The following PLEKHA5 variants were observed in gnomAD, a reference collection of about 807,000 sequenced individuals.
PLEKHA5 encodes the protein pleckstrin homology domain containing A5.
A neutral mutation model predicts 181.9 loss-of-function variants in PLEKHA5; 55 were observed. The ratio of observed to expected loss-of-function variants is 0.30; its 90% CI spans 0.24 to 0.38. PLEKHA5 has a LOEUF of 0.38. PLEKHA5 is among the 10% of genes least tolerant of loss of function. The pLI is 1.00. For missense variants in PLEKHA5, 1,432 were observed against 1,549.5 expected (o/e 0.92, Z 1.27); for synonymous variants, 535 against 529.4 (o/e 1.01, Z -0.15).
chr12:19,240,117 A>G (rs2062200463), intron 3 of PLEKHA5, among the ~76,000 whole-genome samples: 1 of 152,232 alleles, frequency 6.6e-6, no homozygotes, highest in African/African-American at 2.4e-5. Flanking sequence ...CTCATGCAGT[A>G]TATGAAAATG....
At chr12:19,324,434 A>T (rs914795549) in intron 20 of PLEKHA5, among the ~76,000 whole-genome samples, 1 of 152,220 alleles carries the variant, frequency 6.6e-6, no homozygotes, top group African/African-American at 2.4e-5. Flanking sequence ...ATAAGAAACT[A>T]TGTCTCATTC....
intron 29 of PLEKHA5, 150 bp from the exon 30 acceptor site, chr12:19,365,814 T>C (rs906468330): frequency 1.7e-6 from 1 of 589,006 alleles, no homozygotes; most frequent in East Asian, 3.0e-5. Flanking sequence ...TCTAATTCTT[T>C]TGTTTGAAAC....
At chr12:19,206,552 T>G (rs7306560) in intron 3 of PLEKHA5, among the ~76,000 whole-genome samples, 1 of 151,786 alleles carries the variant, frequency 6.6e-6, no homozygotes. Context: ...ATAAGGTGCT[T>G]TAAAGAGGTC....
At chr12:19,268,907 G>A (rs188599186) in intron 8 of PLEKHA5, among the ~76,000 whole-genome samples, 11 of 152,094 alleles carry the variant, frequency 7.2e-5, no homozygotes, top group Admixed American at 2.6e-4. Flanking sequence ...ACACCATTTC[G>A]GATCATTTAT....
intron 3 of PLEKHA5, among the ~76,000 whole-genome samples, chr12:19,210,257 CT>C (rs1432551954): frequency 2.6e-5 from 4 of 152,130 alleles, no homozygotes; most frequent in Non-Finnish European, 4.4e-5. Flanking sequence ...TTGAAGTCCC[CT>C]GATACATCTT....
chr12:19,183,768 C>T (rs1265459075), intron 3 of PLEKHA5, among the ~76,000 whole-genome samples: 5 of 152,124 alleles, frequency 3.3e-5, no homozygotes, highest in African/African-American at 1.2e-4. Context: ...GGCTGGAGCA[C>T]AGTGGCGTGA....
chr12:19,331,244 AGTGTATT>A (rs1298899879), intron 20 of PLEKHA5, among the ~76,000 whole-genome samples: 5 of 152,230 alleles, frequency 3.3e-5, no homozygotes, highest in Admixed American at 2.6e-4. Flanking sequence ...ATTTGTGTCT[AGTGTATT>A]GTGTAACCAT....
At chr12:19,282,921 C>T (rs944248449) in intron 11 of PLEKHA5, among the ~76,000 whole-genome samples, 1 of 151,774 alleles carries the variant, frequency 6.6e-6, no homozygotes, top group African/African-American at 2.4e-5. Flanking sequence ...CTAAGCTGGG[C>T]ACGGTGGCTC....
chr12:19,307,516 A>C, intron 15 of PLEKHA5: 1 of 309,308 alleles, frequency 3.2e-6, no homozygotes, highest in Non-Finnish European at 6.5e-6. Context: ...CAAGAAGCAC[A>C]CTGCCTAATT....
chr12:19,196,758 C>A (rs1323511258), intron 3 of PLEKHA5, among the ~76,000 whole-genome samples: 2 of 151,610 alleles, frequency 1.3e-5, no homozygotes, highest in East Asian at 3.9e-4. Context: ...CGTGTTGCTG[C>A]CAAAGCTGCT....
chr12:19,214,246 G>C (rs1240925841), intron 3 of PLEKHA5, among the ~76,000 whole-genome samples: 2 of 152,196 alleles, frequency 1.3e-5, no homozygotes, highest in Non-Finnish European at 2.9e-5. Context: ...GGAGAGGGGA[G>C]TGTTAACTGT....
intron 5 of PLEKHA5, among the ~76,000 whole-genome samples, chr12:19,255,887 A>C (rs1235413247): frequency 6.7e-6 from 1 of 149,854 alleles, no homozygotes; most frequent in Non-Finnish European, 1.5e-5. Flanking sequence ...AAGATTTGAA[A>C]AAAAAAAAAA....
intron 3 of PLEKHA5, among the ~76,000 whole-genome samples, chr12:19,194,295 C>T (rs1222623388): frequency 6.6e-6 from 1 of 152,096 alleles, no homozygotes; most frequent in African/African-American, 2.4e-5. Context: ...TTTTCATGGC[C>T]GAATAGTATT....
intron 15 of PLEKHA5, among the ~76,000 whole-genome samples, chr12:19,305,687 C>T (rs1435249828): frequency 1.3e-5 from 2 of 151,722 alleles, no homozygotes; most frequent in Admixed American, 6.6e-5. Context: ...GGAGAAACCC[C>T]GTCTCTACTA....
intron 3 of PLEKHA5, among the ~76,000 whole-genome samples, chr12:19,218,592 A>G (rs1336313951): frequency 6.6e-6 from 1 of 152,166 alleles, no homozygotes; most frequent in East Asian, 1.9e-4. Context: ...GCAATATCCA[A>G]AAATCCTGTA....
intron 7 of PLEKHA5, among the ~76,000 whole-genome samples, chr12:19,264,795 G>GAAT (rs397737220): frequency 7.9e-5 from 12 of 151,630 alleles, no homozygotes; most frequent in Non-Finnish European, 1.8e-4. Context: ...AAACAAAAAA[G>GAAT]TCACACACAG....
intron 3 of PLEKHA5, among the ~76,000 whole-genome samples, chr12:19,210,720 T>G (rs1592076752): frequency 6.6e-6 from 1 of 152,186 alleles, no homozygotes; most frequent in African/African-American, 2.4e-5. Context: ...AAGGAAGAAG[T>G]GCAGCAGTTA....
At chr12:19,374,292 C>A (rs1004006502) in intron 31 of PLEKHA5, among the ~76,000 whole-genome samples, 1 of 151,806 alleles carries the variant, frequency 6.6e-6, no homozygotes, top group African/African-American at 2.4e-5. Context: ...CAGAGCTCCC[C>A]TAAAATGGGA....
At chr12:19,302,906 A>ATTTTTTTTTTTTTTTTTTTTTTTTTT (rs34702332) in intron 15 of PLEKHA5, among the ~76,000 whole-genome samples, 3 of 53,968 alleles carry the variant, frequency 5.6e-5, no homozygotes, top group Non-Finnish European at 3.2e-5. Context: ...TCTGTATGAA[A>ATTTTTTTTTTTTTTTTTTTTTTTTTT]TTTTTTTTTT....
Sources: allele counts gnomAD v4.1 joint callset (sites outside exome capture counted in the v4.1 genomes callset), GRCh38; gene constraint gnomAD v4.1.1; transcripts MANE v1.5; gene names NCBI Gene and HGNC (gene_info 2026-07-23, HGNC 2026-07-21).